Variants in SKAP2 observed in about 807,000 individuals in gnomAD.
SKAP2 encodes the protein src kinase-associated phosphoprotein 2.
In SKAP2, 28 loss-of-function variants were observed where a neutral mutation model predicts 54.9. The ratio of observed to expected loss-of-function variants is 0.51; its 90% confidence interval spans 0.38 to 0.70. The LOEUF (loss-of-function observed/expected upper bound fraction) is 0.70. Among genes scored for constraint, SKAP2 ranks in the 30% least tolerant of loss-of-function variants. The pLI, the probability that SKAP2 is intolerant of heterozygous loss-of-function variation, is 0.00. For missense variants in SKAP2, 356 were observed against 424.1 expected, an observed-to-expected ratio of 0.84 and a Z score of 1.41; for synonymous variants, 137 against 134.3, an observed-to-expected ratio of 1.02 and a Z score of -0.14.
At chr7:26,856,652 C>A (rs1785169979) in intron 1 of SKAP2, among the ~76,000 whole-genome samples, 1 of 152,154 alleles carries the variant, frequency 6.6e-6, no homozygotes, top group African/African-American at 2.4e-5. Context: ...ACTGGCTCCC[C>A]TGAGATCATT....
chr7:26,802,137 A>C (rs1452081794), intron 4 of SKAP2, among the ~76,000 whole-genome samples: 1 of 152,210 alleles, frequency 6.6e-6, no homozygotes, highest in Non-Finnish European at 1.5e-5. Context: ...ACAGCATGGT[A>C]CTGGCACAAA....
At chr7:26,861,615 CTTTTTTTTT>C in intron 1 of SKAP2, among the ~76,000 whole-genome samples, 1 of 116,132 alleles carries the variant, frequency 8.6e-6, no homozygotes, top group Non-Finnish European at 1.8e-5. Context: ...ATAACAACCT[CTTTTTTTTT>C]TTTTTTTTTT....
At chr7:26,733,159 G>A (rs1490889301) in intron 6 of SKAP2, among the ~76,000 whole-genome samples, 1 of 151,528 alleles carries the variant, frequency 6.6e-6, no homozygotes, top group Admixed American at 6.6e-5. Context: ...ATTGTGATAA[G>A]TTTTAAAGTT....
intron 4 of SKAP2, among the ~76,000 whole-genome samples, chr7:26,741,643 T>C (rs544416010): frequency 6.6e-6 from 1 of 152,100 alleles, no homozygotes; most frequent in African/African-American, 2.4e-5. Flanking sequence ...GAATAAATGG[T>C]TGAGGTGATG....
intron 4 of SKAP2, among the ~76,000 whole-genome samples, chr7:26,813,378 C>T (rs1349486058): frequency 5.9e-5 from 9 of 151,986 alleles, no homozygotes; most frequent in Admixed American, 5.9e-4. Context: ...CAAAAAATGG[C>T]GTATGTAGCT....
intron 4 of SKAP2, among the ~76,000 whole-genome samples, chr7:26,766,220 T>C (rs1419089093): frequency 6.6e-6 from 1 of 152,208 alleles, no homozygotes; most frequent in African/African-American, 2.4e-5. Flanking sequence ...GGTATTTTAC[T>C]ATCTTTGTAA....
At chr7:26,805,562 T>G (rs758029732) in intron 4 of SKAP2, among the ~76,000 whole-genome samples, 11 of 152,122 alleles carry the variant, frequency 7.2e-5, no homozygotes, top group South Asian at 6.2e-4. Context: ...TACAAAGTCA[T>G]GAGGGCACTC....
At chr7:26,717,085 A>G (rs1364370884) in intron 9 of SKAP2, among the ~76,000 whole-genome samples, 1 of 152,172 alleles carries the variant, frequency 6.6e-6, no homozygotes, top group African/African-American at 2.4e-5. Context: ...GTTTCCTTCC[A>G]GAGCCCCTTC....
intron 6 of SKAP2, among the ~76,000 whole-genome samples, chr7:26,729,915 A>G (rs1256271073): frequency 6.6e-6 from 1 of 152,228 alleles, no homozygotes; most frequent in African/African-American, 2.4e-5. Context: ...TAAAAATAAT[A>G]AAAAGAAACT....
intron 9 of SKAP2, among the ~76,000 whole-genome samples, chr7:26,703,775 T>C (rs1237752452): frequency 1.3e-5 from 2 of 152,202 alleles, no homozygotes; most frequent in South Asian, 2.1e-4. Flanking sequence ...ACTATATACA[T>C]AAATCTCATT....
intron 1 of SKAP2, among the ~76,000 whole-genome samples, chr7:26,863,516 C>T (rs1785309899): frequency 6.6e-6 from 1 of 152,058 alleles, no homozygotes; most frequent in Non-Finnish European, 1.5e-5. Context: ...CTACCTTGTA[C>T]AGAAATATAA....
At chr7:26,842,726 A>G (rs1584421926) in intron 4 of SKAP2, among the ~76,000 whole-genome samples, 2 of 152,078 alleles carry the variant, frequency 1.3e-5, no homozygotes, top group East Asian at 3.9e-4. Flanking sequence ...CTTAAATAAT[A>G]ATTCATTGTT....
chr7:26,699,014 G>T (rs774672537), intron 9 of SKAP2, among the ~76,000 whole-genome samples: 1 of 152,100 alleles, frequency 6.6e-6, no homozygotes, highest in East Asian at 1.9e-4. Flanking sequence ...ATAATGTAAT[G>T]AACTAGTATT....
chr7:26,851,490 C>T (rs1222740155), intron 3 of SKAP2, among the ~76,000 whole-genome samples: 1 of 151,894 alleles, frequency 6.6e-6, no homozygotes, highest in African/African-American at 2.4e-5. Flanking sequence ...ACCGCGTGTT[C>T]TCACTCATAG....
chr7:26,837,498 C>CA (rs1784739827), intron 4 of SKAP2, among the ~76,000 whole-genome samples: 1 of 151,966 alleles, frequency 6.6e-6, no homozygotes, highest in Non-Finnish European at 1.5e-5. Context: ...GAACAAGAGA[C>CA]AGAGAGTGGG....
At chr7:26,785,923 CT>C (rs1316668027) in intron 4 of SKAP2, among the ~76,000 whole-genome samples, 3 of 152,200 alleles carry the variant, frequency 2.0e-5, no homozygotes, top group African/African-American at 4.8e-5. Context: ...TGGGAGCAAG[CT>C]TGGGGCCATC....
intron 11 of SKAP2, among the ~76,000 whole-genome samples, chr7:26,678,824 T>C (rs891445356): frequency 1.3e-5 from 2 of 152,142 alleles, no homozygotes; most frequent in African/African-American, 4.8e-5. Context: ...CTAAAACTTT[T>C]CTTAATCAGT....
chr7:26,745,956 A>G (rs1306012285), intron 4 of SKAP2, among the ~76,000 whole-genome samples: 2 of 152,168 alleles, frequency 1.3e-5, no homozygotes, highest in East Asian at 3.9e-4. Flanking sequence ...TGGTTATTTT[A>G]TTATCTAGAT....
At chr7:26,740,145 CAAAAGTAA>C (rs760854481) in intron 4 of SKAP2, among the ~76,000 whole-genome samples, 181 bp from the exon 5 acceptor site, 1 of 63,216 alleles carries the variant, frequency 1.6e-5, no homozygotes. Flanking sequence ...CTAAAAGTCT[CAAAAGTAA>C]AAAAAAAAAA....
Sources: allele counts gnomAD v4.1 joint callset (sites outside exome capture counted in the v4.1 genomes callset), GRCh38; gene constraint gnomAD v4.1.1; transcripts MANE v1.5; gene names NCBI Gene and HGNC (gene_info 2026-07-23, HGNC 2026-07-21).